The following IQSEC1 variants were observed in gnomAD, a reference collection of about 807,000 sequenced individuals.
IQSEC1 encodes the protein IQ motif and Sec7 domain ArfGEF 1, also known as IQ motif and SEC7 domain-containing protein 1.
A neutral mutation model predicts 91.0 loss-of-function variants in IQSEC1; 31 were observed. The ratio of observed to expected loss-of-function variants is 0.34; its 90% confidence interval spans 0.26 to 0.46. The LOEUF is 0.46. IQSEC1 is among the 20% of genes least tolerant of loss of function. The probability of loss-of-function intolerance (pLI) is 1.00; values close to 1 mark genes in which losing one functional copy is unlikely to be tolerated. For missense variants in IQSEC1, 1,388 were observed against 1,575.6 expected, an observed-to-expected ratio of 0.88 and a Z score of 2.02; for synonymous variants, 699 against 662.6, an observed-to-expected ratio of 1.05 and a Z score of -0.84.
At chr3:12,986,755 C>T (rs1445417692) in intron 1 of IQSEC1, among the ~76,000 whole-genome samples, 2 of 152,196 alleles carry the variant, frequency 1.3e-5, no homozygotes, top group African/African-American at 2.4e-5. Flanking sequence ...GGAGCTGGGA[C>T]GAGAACCAGG....
intron 1 of IQSEC1, among the ~76,000 whole-genome samples, chr3:13,037,560 A>G (rs948765735): frequency 6.6e-6 from 1 of 152,184 alleles, no homozygotes; most frequent in Non-Finnish European, 1.5e-5. Flanking sequence ...ATATCTGCAC[A>G]CCCATGTTCA....
intron 1 of IQSEC1, among the ~76,000 whole-genome samples, chr3:13,221,249 G>A (rs1694653563): frequency 6.6e-6 from 1 of 152,322 alleles, no homozygotes; most frequent in East Asian, 1.9e-4. Flanking sequence ...ATTTTCCTGA[G>A]GGTGGACACA....
chr3:13,209,998 C>G (rs1208632893), intron 1 of IQSEC1, among the ~76,000 whole-genome samples: 1 of 152,108 alleles, frequency 6.6e-6, no homozygotes, highest in Non-Finnish European at 1.5e-5. Flanking sequence ...GGAGTCTCAG[C>G]CCAGCAATGT....
intron 2 of IQSEC1, among the ~76,000 whole-genome samples, chr3:13,102,901 C>G (rs529340724): frequency 2.7e-4 from 41 of 152,314 alleles, no homozygotes; most frequent in African/African-American, 9.1e-4. Flanking sequence ...TTACAACCAC[C>G]CTGGGAGGTC....
chr3:12,992,229 T>C lies in IQSEC1; in HGVS notation c.24-50364A>G, dbSNP rs1487563904. On this transcript the variant is annotated intron_variant, in intron 1 of 13. Coordinates refer to ENST00000613206, the MANE Select transcript of IQSEC1 (RefSeq NM_001134382.3). This position sits in a 1 kb window ranked among gnomAD's most constrained non-coding sequence, Gnocchi z 4.1. Reference sequence around the variant, plus strand: ...CTCTCTCTGGCCTCAGTTCTCCATCTCTAACACAGTAGGGTGGCTCCGGGA... The same window carrying C: ...CTCTCTCTGGCCTCAGTTCTCCATCCCTAACACAGTAGGGTGGCTCCGGGA... Among the ~76,000 whole-genome samples, 4 of 151,874 alleles carry C rather than the reference T, an allele frequency of 2.6e-5. No individual in the cohort carries two copies. Among genetic ancestry groups the C allele is most frequent in the Non-Finnish European group, 5.9e-5 (4 of 67,986 alleles).
chr3:13,063,962 C>T (rs1406689098), intron 1 of IQSEC1, among the ~76,000 whole-genome samples: 1 of 150,966 alleles, frequency 6.6e-6, no homozygotes, highest in Non-Finnish European at 1.5e-5. Context: ...AAAAATTAAA[C>T]TTTTTATTTT....
Position 13,198,770 on chromosome 3 carries a change from ACC to A in IQSEC1, c.273-34639_273-34638del, listed in dbSNP as rs1694181120. Among the ~76,000 whole-genome samples, 5 of 152,172 alleles carry A rather than the reference ACC, an allele frequency of 3.3e-5. No individual in the cohort carries two copies. In the South Asian group the frequency reaches 1.0e-3, roughly 32 times the overall value. Reference sequence around the variant, plus strand: ...AAGAGGCTAAGCCTCCACCCAAAGCACCCAACACAGCAAGGCACGTGGGAGCT... The same window carrying A: ...AAGAGGCTAAGCCTCCACCCAAAGCACAACACAGCAAGGCACGTGGGAGCT... On this transcript the variant is annotated intron_variant, in intron 1 of 15. Coordinates refer to the IQSEC1 transcript ENST00000648114.
chr3:12,967,412 G>T lies in IQSEC1; in HGVS notation c.24-25547C>A, dbSNP rs1329743207. The T allele has an allele frequency of 6.5e-7, 1 of 1,535,588 alleles. No individual in the cohort carries two copies. The highest frequency in any genetic ancestry group is 2.0e-5 in the Admixed American group (1 of 50,738). On this transcript the variant is annotated intron_variant, in intron 1 of 13. Coordinates refer to ENST00000613206, the MANE Select transcript of IQSEC1 (RefSeq NM_001134382.3). This position sits in a 1 kb window ranked among gnomAD's most constrained non-coding sequence, Gnocchi z 5.9. Reference sequence around the variant, plus strand: ...CCGCTGTCAAGCTCTAGCTCCAGAAGGGACTGGGTCCTCTCCGAGTTGCAG... The same window carrying T: ...CCGCTGTCAAGCTCTAGCTCCAGAATGGACTGGGTCCTCTCCGAGTTGCAG...
chr3:13,252,535 G>A (rs1011169895), intron 1 of IQSEC1, among the ~76,000 whole-genome samples: 11 of 152,270 alleles, frequency 7.2e-5, no homozygotes, highest in East Asian at 1.9e-4. Context: ...GACGCCCCGC[G>A]TTCAATTCTT....
chr3:12,958,001 T>C (rs1700019643), intron 1 of IQSEC1, among the ~76,000 whole-genome samples: 1 of 152,208 alleles, frequency 6.6e-6, no homozygotes, highest in Admixed American at 6.5e-5. Context: ...AGAGAGTTGA[T>C]GTAATTTACC....
intron 1 of IQSEC1, among the ~76,000 whole-genome samples, chr3:13,030,018 G>T (rs1203645128): frequency 3.3e-5 from 5 of 151,966 alleles, no homozygotes; most frequent in African/African-American, 1.2e-4. Context: ...TAACCAGACT[G>T]GTCTTGAACT....
At chr3:13,085,925 C>G (rs1336491975) in intron 2 of IQSEC1, among the ~76,000 whole-genome samples, 1 of 152,232 alleles carries the variant, frequency 6.6e-6, no homozygotes. Context: ...ACCCGCTATC[C>G]TTACCCAGGG....
chr3:13,102,322 G>A (rs1409328183), intron 2 of IQSEC1, among the ~76,000 whole-genome samples: 2 of 152,052 alleles, frequency 1.3e-5, no homozygotes, highest in Non-Finnish European at 2.9e-5. Flanking sequence ...TGCCTTCCAT[G>A]CGAACAAACA....
chr3:13,087,226 G>T (rs117671321), intron 2 of IQSEC1, among the ~76,000 whole-genome samples: 1 of 152,196 alleles, frequency 6.6e-6, no homozygotes, highest in Admixed American at 6.5e-5. Context: ...TATTTGCTGC[G>T]ACTTTAGTTA....
rs1695173356 is a variant in IQSEC1 at position 12,908,058 on chromosome 3, TA to T, written c.2755+290del. On this transcript the variant is annotated intron_variant, in intron 12 of 13. Coordinates refer to ENST00000613206, the MANE Select transcript of IQSEC1 (RefSeq NM_001134382.3). This position sits in a 1 kb window ranked among gnomAD's most constrained non-coding sequence, Gnocchi z 4.9. ...GGGCTAGAGCGACTTCCCAGATCAA[TA>T]AACAAGTAAATAAAACCCCTGGAAG... Among the ~76,000 whole-genome samples, 1 of 152,134 alleles carries T rather than the reference TA, an allele frequency of 6.6e-6. No individual in the cohort carries two copies. The highest frequency in any genetic ancestry group is 1.5e-5 in the Non-Finnish European group (1 of 68,000).
In IQSEC1 at chr3:13,145,103, G is replaced by GC. The variant is rs773901368; in HGVS notation, c.302+19000dup. Among the ~76,000 whole-genome samples, 57 of 152,118 alleles carry GC rather than the reference G, an allele frequency of 3.7e-4. 1 individual carries two copies. The highest frequency in any genetic ancestry group is 1.5e-4 in the Non-Finnish European group (10 of 68,018). On this transcript the variant is annotated intron_variant, in intron 2 of 15. Coordinates refer to the IQSEC1 transcript ENST00000648114. Reference sequence around the variant, plus strand: ...GTGAAGGGTGGGGGGGCTGGCATGAGCCCCCCCATCTGCTGAGGAATGAGT... The same window carrying GC: ...GTGAAGGGTGGGGGGGCTGGCATGAGCCCCCCCCATCTGCTGAGGAATGAGT...
At chr3:13,263,427 T>TTTGA (rs1156981824) in intron 1 of IQSEC1, among the ~76,000 whole-genome samples, 1 of 102,866 alleles carries the variant, frequency 9.7e-6, no homozygotes, top group African/African-American at 3.2e-5. Flanking sequence ...CTTTTTTTTT[T>TTTGA]GGGGGGGGGG....
chr3:13,104,762 C>T (rs1467380022), intron 2 of IQSEC1, among the ~76,000 whole-genome samples: 1 of 152,230 alleles, frequency 6.6e-6, no homozygotes, highest in Non-Finnish European at 1.5e-5. Flanking sequence ...AACCCAACAA[C>T]CAACTAGGTC....
At chr3:13,031,799 T>C (rs1209184607) in intron 1 of IQSEC1, among the ~76,000 whole-genome samples, 2 of 151,990 alleles carry the variant, frequency 1.3e-5, no homozygotes, top group African/African-American at 2.4e-5. Flanking sequence ...GGTGCTACAC[T>C]AGACAAGGTG....
Sources: allele counts gnomAD v4.1 joint callset (sites outside exome capture counted in the v4.1 genomes callset), GRCh38; gene constraint gnomAD v4.1.1; non-coding constraint Gnocchi (gnomAD v3.1); transcripts MANE v1.5; gene names NCBI Gene and HGNC (gene_info 2026-07-23, HGNC 2026-07-21).